The following PTPRD variants were observed in gnomAD, a reference collection of about 807,000 sequenced individuals.
PTPRD encodes the protein protein tyrosine phosphatase receptor type D.
Under a neutral mutation model 214.5 loss-of-function variants are expected in PTPRD, and 34 were observed. The observed-to-expected ratio is 0.16, with a 90% CI of 0.12 to 0.21. PTPRD has a LOEUF of 0.21. Ranked by LOEUF, PTPRD falls within the 10% of genes least tolerant of loss-of-function variation. The probability of loss-of-function intolerance (pLI) is 1.00; values close to 1 mark genes in which losing one functional copy is unlikely to be tolerated. For synonymous variants in PTPRD, 1,128 were observed against 845.7 expected, an observed-to-expected ratio of 1.33 and a Z score of -5.79; for missense variants, 2,545 against 2,398.7, an observed-to-expected ratio of 1.06 and a Z score of -1.27.
intron 10 of PTPRD, among the ~76,000 whole-genome samples, chr9:9,138,111 A>G (rs10118350): frequency 0.055 from 8,421 of 152,188 alleles, 499 homozygotes; most frequent in African/African-American, 0.13. Flanking sequence ...GAGCAGATGA[A>G]TAATACCTGT....
At chr9:9,405,017 G>T (rs1051480990) in intron 8 of PTPRD, among the ~76,000 whole-genome samples, 1 of 151,958 alleles carries the variant, frequency 6.6e-6, no homozygotes, top group Non-Finnish European at 1.5e-5. Flanking sequence ...CTGGATTCAG[G>T]ATAACATCCC....
chr9:10,427,178 G>A (rs2098629963), intron 2 of PTPRD, among the ~76,000 whole-genome samples: 2 of 152,048 alleles, frequency 1.3e-5, no homozygotes, highest in South Asian at 4.2e-4. Context: ...TAACAGCTAT[G>A]ACAGCATATA....
intron 7 of PTPRD, among the ~76,000 whole-genome samples, chr9:9,624,986 A>G (rs910292205): frequency 6.6e-6 from 1 of 152,202 alleles, no homozygotes; most frequent in African/African-American, 2.4e-5. Flanking sequence ...AAAAATAAAT[A>G]CTTGCCTTGT....
At chr9:10,039,897 T>C (rs1447589560) in intron 3 of PTPRD, among the ~76,000 whole-genome samples, 1 of 152,078 alleles carries the variant, frequency 6.6e-6, no homozygotes, top group East Asian at 1.9e-4. Context: ...ACATCTATGA[T>C]TTAAAATTTG....
At chr9:8,474,902 T>C (rs2096733290) in intron 30 of PTPRD, among the ~76,000 whole-genome samples, 1 of 152,202 alleles carries the variant, frequency 6.6e-6, no homozygotes, top group Non-Finnish European at 1.5e-5. Flanking sequence ...TTCAATCTTC[T>C]CACTTTCTTA....
chr9:10,190,498 A>C lies in PTPRD; in HGVS notation c.-545+150465T>G, dbSNP rs2099359029. Among the ~76,000 whole-genome samples, 4 of 149,560 alleles carry C rather than the reference A, an allele frequency of 2.7e-5. No homozygotes were observed. In the South Asian group the frequency reaches 8.5e-4, roughly 32 times the overall value. ...TTTGTGAGGCCGAGGCAGGTGGATC[A>C]CCTGAGGTCAGGAGTTCAAGACTAG... On this transcript the variant is annotated intron_variant, in intron 3 of 45. Coordinates refer to ENST00000381196, the MANE Select transcript of PTPRD (RefSeq NM_002839.4).
At chr9:8,371,826 C>G (rs999395049) in intron 39 of PTPRD, among the ~76,000 whole-genome samples, 2 of 151,928 alleles carry the variant, frequency 1.3e-5, no homozygotes, top group South Asian at 4.1e-4. Context: ...AATTCTAGAC[C>G]AGATAAATAT....
At chr9:8,525,232 A>G (rs758785075) in intron 17 of PTPRD, 197 bp from the exon 18 acceptor site, 4 of 704,202 alleles carry the variant, frequency 5.7e-6, no homozygotes, top group African/African-American at 3.6e-5. Context: ...TTTTTTTTAC[A>G]TCATCAATGC....
intron 3 of PTPRD, among the ~76,000 whole-genome samples, chr9:10,298,656 C>A (rs1403772495): frequency 6.6e-6 from 1 of 151,932 alleles, no homozygotes; most frequent in Non-Finnish European, 1.5e-5. Flanking sequence ...GTGATGCCTT[C>A]TTTCAAAGAA....
chr9:10,281,034 G>C (rs1452744831), intron 3 of PTPRD, among the ~76,000 whole-genome samples: 1 of 152,132 alleles, frequency 6.6e-6, no homozygotes, highest in African/African-American at 2.4e-5. Context: ...CATTCATCTA[G>C]CAGTTTTGCT....
At position 8,460,559 on chromosome 9, in the gene PTPRD, T is replaced by A. The variant is rs2096368142; in HGVS notation, c.3727A>T (p.Thr1243Ser). 1 of 1,612,162 alleles carries A rather than the reference T, an allele frequency of 6.2e-7. No homozygotes were observed. Among genetic ancestry groups the A allele is most frequent in the Non-Finnish European group, 8.5e-7 (1 of 1,179,232 alleles). ...MEHAESKMYATSPYSDPVVSM... is the reference protein window; with the variant it reads ...MEHAESKMYASSPYSDPVVSM... ...ACCACGGGGTCGGAGTAAGGGCTGGTTGCATACATCTTCTGAGGAAAAGCA... is the reference window on the plus strand; with the variant it reads ...ACCACGGGGTCGGAGTAAGGGCTGGATGCATACATCTTCTGAGGAAAAGCA... The change falls in exon 33 of 46, where the codon ACC becomes TCC. Residue 1243 changes from threonine to serine, a missense_variant. Coordinates refer to ENST00000381196, the MANE Select transcript of PTPRD (RefSeq NM_002839.4).
intron 10 of PTPRD, among the ~76,000 whole-genome samples, chr9:9,059,642 T>C (rs909627796): frequency 1.3e-5 from 2 of 151,880 alleles, no homozygotes; most frequent in African/African-American, 4.8e-5. Context: ...AAATTAATGA[T>C]GCCAAAAAGA....
intron 7 of PTPRD, among the ~76,000 whole-genome samples, chr9:9,653,457 A>C (rs1319520086): frequency 6.6e-6 from 1 of 151,694 alleles, no homozygotes; most frequent in Non-Finnish European, 1.5e-5. Flanking sequence ...GGTAAACTTA[A>C]AAATGAATAT....
At chr9:8,427,591 G>A (rs2094768421) in intron 35 of PTPRD, among the ~76,000 whole-genome samples, 1 of 151,970 alleles carries the variant, frequency 6.6e-6, no homozygotes. Context: ...GAGTAAGAAA[G>A]GGCAACATAA....
intron 4 of PTPRD, among the ~76,000 whole-genome samples, chr9:10,006,834 T>C (rs2096487422): frequency 6.6e-6 from 1 of 151,962 alleles, no homozygotes; most frequent in African/African-American, 2.4e-5. Flanking sequence ...TTCCATTCTA[T>C]CTACTGGTGT....
At chr9:10,510,836 C>A (rs1315113083) in intron 2 of PTPRD, among the ~76,000 whole-genome samples, 3 of 152,056 alleles carry the variant, frequency 2.0e-5, no homozygotes, top group Non-Finnish European at 2.9e-5. Flanking sequence ...TATTAACCAA[C>A]CCTTCTTCAT....
intron 8 of PTPRD, among the ~76,000 whole-genome samples, chr9:9,498,879 C>T (rs1300653952): frequency 6.6e-6 from 1 of 152,096 alleles, no homozygotes; most frequent in Non-Finnish European, 1.5e-5. Context: ...AAAAAATTCA[C>T]AATCACAATT....
At chr9:9,377,306 G>T (rs149043475) in intron 9 of PTPRD, among the ~76,000 whole-genome samples, 2 of 151,976 alleles carry the variant, frequency 1.3e-5, no homozygotes, top group East Asian at 1.9e-4. Flanking sequence ...CAAAAAATAC[G>T]TCTTGTGCTA....
At chr9:9,614,224 G>A (rs1031823625) in intron 7 of PTPRD, among the ~76,000 whole-genome samples, 1 of 151,960 alleles carries the variant, frequency 6.6e-6, no homozygotes, top group Non-Finnish European at 1.5e-5. Flanking sequence ...GATCTTTGTG[G>A]ATCAATGCTG....
Sources: allele counts gnomAD v4.1 joint callset (sites outside exome capture counted in the v4.1 genomes callset), GRCh38; gene constraint gnomAD v4.1.1; transcripts MANE v1.5; gene names NCBI Gene and HGNC (gene_info 2026-07-23, HGNC 2026-07-21).